PDE4D: variants seen among roughly 807,000 people sequenced by gnomAD.
The protein encoded by PDE4D is phosphodiesterase 4D.
PDE4D carries 24 observed loss-of-function variants against 87.4 expected under a neutral mutation model. That is an observed-to-expected ratio of 0.27 (90% confidence interval 0.20 to 0.39). The LOEUF (loss-of-function observed/expected upper bound fraction) is 0.39. PDE4D is among the 10% of genes least tolerant of loss of function. The pLI is 1.00. For synonymous variants in PDE4D, 384 were observed against 383.2 expected, an observed-to-expected ratio of 1.00 and a Z score of -0.02; for missense variants, 714 against 1,041.0, an observed-to-expected ratio of 0.69 and a Z score of 4.32.
At chr5:59,136,916 G>T (rs1291241486) in intron 5 of PDE4D, among the ~76,000 whole-genome samples, 1 of 152,132 alleles carries the variant, frequency 6.6e-6, no homozygotes, top group Non-Finnish European at 1.5e-5. Context: ...CAAGGGAAAG[G>T]TAGGGTGACC....
At chr5:59,203,591 G>A (rs987039357) in intron 2 of PDE4D, among the ~76,000 whole-genome samples, 2 of 151,946 alleles carry the variant, frequency 1.3e-5, no homozygotes, top group East Asian at 3.9e-4. Context: ...CAACTTAAGT[G>A]TCTAACAACA....
intron 1 of PDE4D, among the ~76,000 whole-genome samples, chr5:60,244,855 TG>T (rs764886312): frequency 2.0e-4 from 31 of 151,928 alleles, no homozygotes; most frequent in Admixed American, 1.1e-3. Context: ...AAGAAAACAT[TG>T]GGGAAACTCT....
At chr5:60,325,926 C>T (rs955129315) in intron 1 of PDE4D, among the ~76,000 whole-genome samples, 9 of 152,010 alleles carry the variant, frequency 5.9e-5, no homozygotes, top group Non-Finnish European at 1.2e-4. Flanking sequence ...GTATGCAACC[C>T]TTGGGGATTG....
intron 1 of PDE4D, among the ~76,000 whole-genome samples, chr5:59,251,727 G>A (rs913408655): frequency 6.6e-6 from 1 of 152,044 alleles, no homozygotes; most frequent in Admixed American, 6.6e-5. Context: ...ACAGGCAAAC[G>A]AATGTTCATT....
chr5:60,461,330 A>G (rs1186951239), intron 1 of PDE4D, among the ~76,000 whole-genome samples: 3 of 152,064 alleles, frequency 2.0e-5, no homozygotes, highest in African/African-American at 7.2e-5. Context: ...GGTGAAATTT[A>G]CCTCCAGGAC....
At chr5:59,768,468 T>G in intron 1 of PDE4D, 2 of 1,598,390 alleles carry the variant, frequency 1.3e-6, no homozygotes, top group Middle Eastern at 1.7e-4. Context: ...GATTATCCAC[T>G]TCAGGTACTG....
intron 1 of PDE4D, among the ~76,000 whole-genome samples, chr5:59,264,647 G>T (rs1762565394): frequency 6.6e-6 from 1 of 151,874 alleles, no homozygotes; most frequent in African/African-American, 2.4e-5. Context: ...CCAAGCTGGT[G>T]AACTCCACCC....
chr5:59,892,422 C>A (rs1751085992), intron 1 of PDE4D, among the ~76,000 whole-genome samples: 1 of 152,156 alleles, frequency 6.6e-6, no homozygotes, highest in South Asian at 2.1e-4. Context: ...ACGACTGATA[C>A]ACACACGGTC....
At chr5:59,708,544 CT>C (rs1327459701) in intron 1 of PDE4D, among the ~76,000 whole-genome samples, 1 of 152,128 alleles carries the variant, frequency 6.6e-6, no homozygotes, top group East Asian at 1.9e-4. Context: ...TGAGAATAGG[CT>C]TTATGATAGT....
At chr5:60,107,971 C>A (rs1189234580) in intron 2 of PDE4D, among the ~76,000 whole-genome samples, 2 of 152,144 alleles carry the variant, frequency 1.3e-5, no homozygotes, top group African/African-American at 4.8e-5. Flanking sequence ...CCTTCTCTCA[C>A]CACTCCTAGT....
At chr5:59,681,308 G>A (rs972015915) in intron 1 of PDE4D, among the ~76,000 whole-genome samples, 1 of 152,094 alleles carries the variant, frequency 6.6e-6, no homozygotes, top group African/African-American at 2.4e-5. Flanking sequence ...AATATTAAAG[G>A]ATAACAACCT....
intron 1 of PDE4D, among the ~76,000 whole-genome samples, chr5:59,240,573 CA>C (rs1757434090): frequency 6.6e-6 from 1 of 152,092 alleles, no homozygotes; most frequent in Non-Finnish European, 1.5e-5. Flanking sequence ...GTGAACTAAC[CA>C]AGTGGTTCAG....
Position 59,552,233 on chromosome 5 carries a change from AT to A in PDE4D, c.456-336266del, listed in dbSNP as rs570788814. ...AAGTAAGTAAATAAAGAGGTATTTT[AT>A]TTTTTTCATTATAATATCTAACTGA... On this transcript the variant is annotated intron_variant, in intron 1 of 14. Coordinates refer to ENST00000340635, the MANE Select transcript of PDE4D (RefSeq NM_001104631.2). Among the ~76,000 whole-genome samples the A allele has an allele frequency of 2.3e-4, 35 of 152,164 alleles. No homozygotes were observed. The South Asian group carries it at 6.0e-3, about 26-fold the overall frequency.
At chr5:59,780,307 A>G (rs1194678975) in intron 1 of PDE4D, among the ~76,000 whole-genome samples, 1 of 152,216 alleles carries the variant, frequency 6.6e-6, no homozygotes, top group Non-Finnish European at 1.5e-5. Flanking sequence ...CAGAAGTTGC[A>G]GTGAGCTGAG....
At chr5:59,621,354 T>C (rs1241252335) in intron 1 of PDE4D, among the ~76,000 whole-genome samples, 2 of 152,214 alleles carry the variant, frequency 1.3e-5, no homozygotes, top group African/African-American at 2.4e-5. Flanking sequence ...GTGAGCACCT[T>C]CATCTGAGAT....
intron 1 of PDE4D, among the ~76,000 whole-genome samples, chr5:59,675,292 A>G (rs914760308): frequency 6.6e-6 from 1 of 151,462 alleles, no homozygotes; most frequent in African/African-American, 2.4e-5. Flanking sequence ...CATCCCCATC[A>G]GTACATTCAA....
At chr5:60,496,065 T>C (rs1749801052) in intron 1 of PDE4D, among the ~76,000 whole-genome samples, 1 of 152,184 alleles carries the variant, frequency 6.6e-6, no homozygotes, top group South Asian at 2.1e-4. Context: ...TGTGCTCCTG[T>C]GAGTCTTGGC....
intron 1 of PDE4D, among the ~76,000 whole-genome samples, chr5:59,591,234 A>C (rs1825874382): frequency 6.6e-6 from 1 of 152,228 alleles, no homozygotes; most frequent in Non-Finnish European, 1.5e-5. Context: ...TTATCTCTGT[A>C]ATATCAGTTT....
At chr5:59,842,419 T>C (rs929911366) in intron 1 of PDE4D, among the ~76,000 whole-genome samples, 4 of 152,004 alleles carry the variant, frequency 2.6e-5, no homozygotes, top group Non-Finnish European at 4.4e-5. Flanking sequence ...AAAGTACCAA[T>C]GAAATAAAAC....
Sources: allele counts gnomAD v4.1 joint callset (sites outside exome capture counted in the v4.1 genomes callset), GRCh38; gene constraint gnomAD v4.1.1; transcripts MANE v1.5; gene names NCBI Gene and HGNC (gene_info 2026-07-23, HGNC 2026-07-21).